C7: variants seen among roughly 807,000 people sequenced by gnomAD.
The protein encoded by C7 is complement C7.
In C7, 83 loss-of-function variants were observed where a neutral mutation model predicts 104.8. That is an observed-to-expected ratio of 0.79 (90% confidence interval 0.66 to 0.95). The LOEUF is 0.95. Ranked by LOEUF, C7 falls within the 40% of genes least tolerant of loss-of-function variation. The probability of loss-of-function intolerance (pLI) is 0.00; values close to 1 mark genes in which losing one functional copy is unlikely to be tolerated. For synonymous variants in C7, 415 were observed against 360.6 expected, an observed-to-expected ratio of 1.15 and a Z score of -1.71; for missense variants, 1,070 against 1,011.2, an observed-to-expected ratio of 1.06 and a Z score of -0.79.
chr5:40,962,104 T>C lies in C7; in HGVS notation c.1681T>C (p.Phe561Leu). 6.4e-7 allele frequency: 1 copy of C among 1,555,080 alleles called. No homozygotes were observed. Among genetic ancestry groups the C allele is most frequent in the Non-Finnish European group, 8.7e-7 (1 of 1,143,882 alleles). ...TTCCAGGTTGCTTGAACCACATTGC[T>C]TTCCTTTGTCTTTGGTTCCAACAGA... is the stretch of plus-strand genomic sequence containing the variant. The part of the protein sequence containing the change: ...EHLRLLEPHC[F>L]PLSLVPTEFC... The change falls in exon 13 of 18, where the codon TTT becomes CTT. Residue 561 changes from phenylalanine to leucine, a missense_variant. Coordinates refer to ENST00000313164, the MANE Select transcript of C7 (RefSeq NM_000587.4).
Position 40,947,851 on chromosome 5 carries a change from G to A in C7, c.982+6G>A. 6.2e-7 allele frequency: 1 copy of A among 1,610,256 alleles called. No individual in the cohort carries two copies. Among genetic ancestry groups the A allele is most frequent in the Non-Finnish European group, 8.5e-7 (1 of 1,178,700 alleles). On this transcript the variant is annotated splice_donor_region_variant and intron_variant, in intron 8 of 17. Coordinates refer to ENST00000313164, the MANE Select transcript of C7 (RefSeq NM_000587.4). ...AGAAAAATTAAAACAAAATGGTACA[G>A]TATTAAAAAATTCGTTGTCTAAAGG... is the stretch of plus-strand genomic sequence containing the variant.
chr5:40,976,934 C>G, intron 16 of C7, 94 bp downstream of exon 16: 2 of 969,096 alleles, frequency 2.1e-6, no homozygotes, highest in Non-Finnish European at 3.1e-6. Flanking sequence ...GAAGGTGTAG[C>G]TTACCAAGAG....
intron 1 of C7, among the ~76,000 whole-genome samples, chr5:40,923,481 C>T (rs1445842709): frequency 6.6e-6 from 1 of 152,138 alleles, no homozygotes; most frequent in African/African-American, 2.4e-5. Flanking sequence ...TGTGGTGGCT[C>T]CCGCCTGTAA....
chr5:40,935,757 T>C (rs942829812), intron 4 of C7, among the ~76,000 whole-genome samples: 1 of 152,182 alleles, frequency 6.6e-6, no homozygotes, highest in African/African-American at 2.4e-5. Flanking sequence ...GCTTCCTTGG[T>C]ACTCTAGATT....
rs1370769428 is a variant in C7, at chr5:40,959,548, G to C, written c.1589G>C (p.Gly530Ala). ...SRECNNPPPS[G>A]GGRSCVGETT... ...GAATGCAATAACCCACCTCCCAGTG[G>C]GGGTGGGAGATCCTGCGTTGGAGAA... Residue 530 changes from glycine (G) to alanine (A), a missense_variant, in exon 12 of 18, where the codon GGG becomes GCG. Coordinates refer to ENST00000313164, the MANE Select transcript of C7 (RefSeq NM_000587.4). 4.3e-6 allele frequency: 7 copies of C among 1,610,960 alleles called. No individual in the cohort carries two copies. The highest frequency in any genetic ancestry group is 3.4e-6 in the Non-Finnish European group (4 of 1,179,116).
intron 1 of C7, among the ~76,000 whole-genome samples, chr5:40,916,891 A>C (rs1003402548): frequency 6.6e-6 from 1 of 152,112 alleles, no homozygotes; most frequent in Non-Finnish European, 1.5e-5. Flanking sequence ...AATACTTAAA[A>C]TCTACTCTCT....
chr5:40,958,229 G>T lies in C7; in HGVS notation c.1457G>T (p.Cys486Phe). ...AAACCGTACACATTTGGTGCGGCGT[G>T]TGAGCAAGGAGTCCTCGTAGGGAAT... ...HCKPYTFGAA[C>F]EQGVLVGNQA... Residue 486 changes from cysteine to phenylalanine, a missense_variant, in exon 11 of 18, where the codon TGT becomes TTT. By Grantham distance (205) the Cys-to-Phe change is radical (BLOSUM62 -2). Transcript: ENST00000313164. 3 of 1,611,552 alleles carry T rather than the reference G, an allele frequency of 1.9e-6. No homozygotes were observed. Among genetic ancestry groups the T allele is most frequent in the Non-Finnish European group, 2.5e-6 (3 of 1,178,440 alleles).
chr5:40,951,647 G>A (rs1740173067), intron 9 of C7, among the ~76,000 whole-genome samples: 1 of 152,158 alleles, frequency 6.6e-6, no homozygotes, highest in Non-Finnish European at 1.5e-5. Context: ...GCTTTTAAAG[G>A]AAGAGATTCC....
chr5:40,940,087 T>C (rs2111607926), intron 6 of C7, among the ~76,000 whole-genome samples: 1 of 152,314 alleles, frequency 6.6e-6, no homozygotes, highest in East Asian at 1.9e-4. Flanking sequence ...ATGTCCTCCA[T>C]GGTTCAAATA....
intron 15 of C7, 170 bp from the exon 16 acceptor site, chr5:40,976,580 T>G (rs901026166): frequency 1.1e-5 from 5 of 473,896 alleles, no homozygotes; most frequent in Non-Finnish European, 1.9e-5. Flanking sequence ...CTAGAAACTC[T>G]CTATAGCTTG....
chr5:40,916,494 C>T (rs753879026), intron 1 of C7, among the ~76,000 whole-genome samples: 22 of 152,164 alleles, frequency 1.4e-4, no homozygotes, highest in Admixed American at 3.3e-4. Context: ...GGTTTTCTCT[C>T]CTCTTGGTAT....
At chr5:40,973,248 A>G (rs563565940) in intron 15 of C7, among the ~76,000 whole-genome samples, 1 of 152,298 alleles carries the variant, frequency 6.6e-6, no homozygotes, top group Admixed American at 6.5e-5. Context: ...GATGAGATAG[A>G]TTTGTTTGAC....
intron 6 of C7, among the ~76,000 whole-genome samples, chr5:40,940,983 T>C (rs1467625820): frequency 6.6e-6 from 1 of 152,034 alleles, no homozygotes; most frequent in Non-Finnish European, 1.5e-5. Context: ...TCTATATGTA[T>C]ATCGTGTCTC....
chr5:40,919,211 C>A (rs1459596544), intron 1 of C7, among the ~76,000 whole-genome samples: 3 of 151,652 alleles, frequency 2.0e-5, no homozygotes, highest in Non-Finnish European at 4.4e-5. Flanking sequence ...ACAACCTCCA[C>A]CTCCCAGGCT....
chr5:40,913,698 A>T (rs10472348), intron 1 of C7, among the ~76,000 whole-genome samples: 1 of 151,918 alleles, frequency 6.6e-6, no homozygotes, highest in African/African-American at 2.4e-5. Flanking sequence ...TATATATTTT[A>T]AGATGGAGTC....
At chr5:40,924,705 G>T (rs1019262707) in intron 1 of C7, among the ~76,000 whole-genome samples, 2 of 152,206 alleles carry the variant, frequency 1.3e-5, no homozygotes, top group Non-Finnish European at 2.9e-5. Flanking sequence ...CACTATGTGT[G>T]CCTATGAGCC....
rs573909196 is a variant in C7 at position 40,916,183 on chromosome 5, A to G, written c.6+6567A>G. ...GAAATAAACTATTATGCTTTATTATATTTCTTTCTAGATTTTGTTTTTCAA... is the reference window on the plus strand; with the variant it reads ...GAAATAAACTATTATGCTTTATTATGTTTCTTTCTAGATTTTGTTTTTCAA... On this transcript the variant is annotated intron_variant, in intron 1 of 17. Transcript: ENST00000313164. Among the ~76,000 whole-genome samples the G allele has an allele frequency of 3.3e-5, 5 of 152,322 alleles. No homozygotes were observed. In the South Asian group the frequency reaches 1.0e-3, roughly 32 times the overall value.
rs1561253223 is a variant in C7 at position 40,959,463 on chromosome 5, G to A, written c.1504G>A (p.Gly502Ser). 1 of 1,610,828 alleles carries A rather than the reference G, an allele frequency of 6.2e-7. No individual in the cohort carries two copies. The highest frequency in any genetic ancestry group is 8.5e-7 in the Non-Finnish European group (1 of 1,179,108). ...VGNQAGGVDG[G>S]WSCWSSWSPC... ...TCATCTTGTAGGAGGGGTTGATGGA[G>A]GTTGGAGTTGCTGGTCCTCTTGGAG... Residue 502 changes from glycine (G) to serine (S), a missense_variant, in exon 12 of 18, where the codon GGT becomes AGT. Coordinates refer to ENST00000313164, the MANE Select transcript of C7 (RefSeq NM_000587.4).
intron 6 of C7, among the ~76,000 whole-genome samples, chr5:40,943,866 A>G (rs939059273): frequency 6.6e-6 from 1 of 152,216 alleles, no homozygotes; most frequent in Admixed American, 6.5e-5. Context: ...TGCATATCTA[A>G]TACTCAATGG....
Sources: gnomAD v4.1 joint callset for allele counts (sites outside exome capture counted in the v4.1 genomes callset) on GRCh38, gnomAD v4.1.1 for gene constraint, MANE v1.5 for transcripts, NCBI Gene and HGNC (gene_info 2026-07-23, HGNC 2026-07-21) for gene names.